KIRREL2: variants seen among roughly 807,000 people sequenced by gnomAD.
The protein encoded by KIRREL2 is kin of IRRE-like protein 2.
KIRREL2 carries 56 observed loss-of-function variants against 73.4 expected under a neutral mutation model. That is an observed-to-expected ratio of 0.76 (90% CI 0.62 to 0.95). The LOEUF (loss-of-function observed/expected upper bound fraction) is 0.95. Ranked by LOEUF, KIRREL2 falls within the 40% of genes least tolerant of loss-of-function variation. The pLI, the probability that KIRREL2 is intolerant of heterozygous loss-of-function variation, is 0.00. For missense variants in KIRREL2, 896 were observed against 935.0 expected (o/e 0.96, Z 0.54); for synonymous variants, 407 against 404.0 (o/e 1.01, Z -0.09).
Position 35,862,984 on chromosome 19 carries a change from G to A in KIRREL2, c.1673G>A (p.Gly558Asp). The A allele has an allele frequency of 6.3e-7, 1 of 1,593,514 alleles. No homozygotes were observed. The highest frequency in any genetic ancestry group is 8.5e-7 in the Non-Finnish European group (1 of 1,170,474). ...NLMRIPGSSD[G>D]SSSRGPEEEE... ...ATGCGAATCCCTGGCAGCAGCGACG[G>A]CTCCAGTTCACGAGGTCCTGAAGAA... Residue 558 changes from glycine (G) to aspartate (D), a missense_variant, in exon 13 of 15, where the codon GGC becomes GAC. Transcript: ENST00000360202.
Position 35,860,400 on chromosome 19 carries a change from C to G in KIRREL2, c.777C>G (p.Tyr259Ter). 1 of 1,612,696 alleles carries G rather than the reference C, an allele frequency of 6.2e-7. No individual in the cohort carries two copies. The change falls in exon 6 of 15, where the codon TAC becomes TAG. Residue 259 changes from tyrosine (Y) to a stop codon, truncating the protein, a stop_gained and splice_region_variant. Transcript: ENST00000360202. LOFTEE classifies it high-confidence loss of function. The stretch of plus-strand genomic sequence containing the variant: ...CAGCCCAGCCTCCTGTCACAGGCTA[C>G]AGGTGAGGACGAAGACCCACCTCTC... ...QATAQPPVTG[Y>*]RWAKGGSPVL...
chr19:35,862,370 C>G, intron 11 of KIRREL2, 123 bp from the exon 12 acceptor site: 1 of 759,760 alleles, frequency 1.3e-6, no homozygotes, highest in Admixed American at 2.1e-5. Flanking sequence ...ACCCCAAATT[C>G]AAGGGCCTTT....
upstream of KIRREL2, among the ~76,000 whole-genome samples, chr19:35,853,868 G>A (rs1328025819): frequency 2.2e-5 from 3 of 136,072 alleles, no homozygotes; most frequent in Admixed American, 1.5e-4. Context: ...TTTTTGAGAG[G>A]GAGTCTTGCT....
upstream of KIRREL2, chr19:35,856,727 A>C: frequency 5.6e-6 from 2 of 356,176 alleles, no homozygotes; most frequent in Admixed American, 4.4e-5. This position sits in a 1 kb window ranked among gnomAD's most constrained non-coding sequence, Gnocchi z 5.9. Flanking sequence ...CCCTCCTCGA[A>C]CCCAGGTGTT....
At position 35,864,727 on chromosome 19, in the gene KIRREL2, G is replaced by C. The variant is rs1160725769; in HGVS notation, c.1791+14G>C. 6.3e-7 allele frequency: 1 copy of C among 1,597,562 alleles called. No individual in the cohort carries two copies. The highest frequency in any genetic ancestry group is 1.1e-5 in the South Asian group (1 of 90,716). ...CTGGAGACCAAGGTGAGTGTTGAGA[G>C]GGGTGGGGCTCCCTTCACTGTTGGG... On this transcript the variant is annotated intron_variant, in intron 14 of 14. Transcript: ENST00000360202.
At chr19:35,851,908 G>T, upstream of KIRREL2, 3 of 1,345,138 alleles carry the variant, frequency 2.2e-6, no homozygotes, top group Non-Finnish European at 3.1e-6. Context: ...CTTTCTCTGG[G>T]TCCCTCTCTG....
chr19:35,851,790 C>T (rs949171070), upstream of KIRREL2: 4 of 1,553,410 alleles, frequency 2.6e-6, no homozygotes, highest in African/African-American at 5.5e-5. Context: ...CTTCAGTCAG[C>T]AGCCCCAGGA....
At position 35,866,429 on chromosome 19, in the gene KIRREL2, TC is replaced by T; in HGVS notation, c.2070del (p.Phe691SerfsTer40). ...GGCCCCCAGATCTGGCCCCCGGGAC[TC>T]CCCCCTTCCCATATGCTGCCTTCCC... ...FGPPDLAPGT[P>X]PFPYAAFPTP... On this transcript the variant is annotated frameshift_variant, in exon 15 of 15. Coordinates refer to ENST00000360202, the MANE Select transcript of KIRREL2 (RefSeq NM_199180.4). LOFTEE classifies it high-confidence loss of function. 2 of 1,596,318 alleles carry T rather than the reference TC, an allele frequency of 1.3e-6. No homozygotes were observed. The highest frequency in any genetic ancestry group is 2.2e-5 in the East Asian group (1 of 44,668).
chr19:35,863,701 C>T (rs1319268759), intron 13 of KIRREL2, among the ~76,000 whole-genome samples: 12 of 152,074 alleles, frequency 7.9e-5, no homozygotes, highest in Non-Finnish European at 1.8e-4. Flanking sequence ...ATCCACCCGC[C>T]TCGACCTCCC....
In KIRREL2 at chr19:35,861,157, G is replaced by C. The variant is rs781602474; in HGVS notation, c.1092G>C (p.Ser364=). The C allele has an allele frequency of 6.3e-7, 1 of 1,592,568 alleles. No homozygotes were observed. The highest frequency in any genetic ancestry group is 1.1e-5 in the South Asian group (1 of 89,408). Residue 364 remains serine (S), a synonymous_variant, in exon 9 of 15, where the codon TCG becomes TCC. Coordinates refer to ENST00000360202, the MANE Select transcript of KIRREL2 (RefSeq NM_199180.4). The stretch of plus-strand genomic sequence containing the variant: ...CTGGAGCCACACTGCGTCTTCCGTC[G>C]GTGGGGCCCGAGGACGCAGGCGACT... ...LGSGATLRLP[S]VGPEDAGDYV...
In KIRREL2 at chr19:35,863,028, G is replaced by T; in HGVS notation, c.1717G>T (p.Glu573Ter). 6.4e-7 allele frequency: 1 copy of T among 1,572,106 alleles called. No individual in the cohort carries two copies. Among genetic ancestry groups the T allele is most frequent in the South Asian group, 1.2e-5 (1 of 86,004 alleles). ...TGAAGAAGAGGAGACAGGCAGCCGC[G>T]AGGACCGGGTAGGATGCCAGGGTCC... ...GPEEEETGSR[E>*]DRGPIVHTDH... Residue 573 changes from glutamate (E) to a stop codon, truncating the protein, a stop_gained, in exon 13 of 15, where the codon GAG becomes TAG. Coordinates refer to ENST00000360202, the MANE Select transcript of KIRREL2 (RefSeq NM_199180.4). LOFTEE classifies it high-confidence loss of function.
upstream of KIRREL2, among the ~76,000 whole-genome samples, chr19:35,855,207 G>A (rs1219129725): frequency 6.6e-6 from 1 of 151,940 alleles, no homozygotes; most frequent in Non-Finnish European, 1.5e-5. Flanking sequence ...GCTGGATGCC[G>A]AGCTGGGGGA....
chr19:35,860,746 G>A (rs1287179266), intron 7 of KIRREL2, 79 bp downstream of exon 7: 4 of 1,587,762 alleles, frequency 2.5e-6, no homozygotes, highest in Non-Finnish European at 3.4e-6. Context: ...GCCTGGAGGG[G>A]CGGGGCCGGG....
chr19:35,864,850 C>A, intron 14 of KIRREL2, 137 bp downstream of exon 14: 1 of 656,938 alleles, frequency 1.5e-6, no homozygotes. Flanking sequence ...CAGCTCCCCA[C>A]CCCACTCCTC....
At chr19:35,862,249 C>T (rs529447374) in intron 11 of KIRREL2, among the ~76,000 whole-genome samples, 1 of 152,154 alleles carries the variant, frequency 6.6e-6, no homozygotes, top group South Asian at 2.1e-4. Flanking sequence ...ACCTAGGGGC[C>T]CCAAAAAGGG....
chr19:35,858,279 C>A, intron 2 of KIRREL2, 129 bp from the exon 3 acceptor site: 1 of 1,077,000 alleles, frequency 9.3e-7, no homozygotes, highest in Non-Finnish European at 1.4e-6. Flanking sequence ...GGGCCCAGTA[C>A]ACACTTTTTA....
At chr19:35,864,801 C>T in intron 14 of KIRREL2, 88 bp downstream of exon 14, 3 of 1,031,362 alleles carry the variant, frequency 2.9e-6, no homozygotes, top group East Asian at 2.5e-5. Flanking sequence ...CCACGCCTGT[C>T]CCCTCCTTTT....
At position 35,858,834 on chromosome 19, in the gene KIRREL2, G is replaced by C. The variant is rs34006827; in HGVS notation, c.492G>C (p.Gly164=). The change falls in exon 4 of 15, where the codon GGG becomes GGC. Residue 164 remains glycine, a synonymous_variant. Coordinates refer to ENST00000360202, the MANE Select transcript of KIRREL2 (RefSeq NM_199180.4). ...PTPELLWFRD[G]VLLDGATFHQ... Reference sequence around the variant, plus strand: ...CTGAATTGCTGTGGTTCCGAGATGGGGTCCTGTTGGATGGAGCCACCTTCC... The same window carrying C: ...CTGAATTGCTGTGGTTCCGAGATGGCGTCCTGTTGGATGGAGCCACCTTCC... 0.035 allele frequency: 56,107 copies of C among 1,613,946 alleles called. 1,147 individuals are homozygous for C. The highest frequency in any genetic ancestry group is 0.071 in the African/African-American group (5,319 of 74,972).
chr19:35,858,912 G>A, intron 4 of KIRREL2, 48 bp downstream of exon 4: 2 of 1,600,000 alleles, frequency 1.3e-6, no homozygotes, highest in Non-Finnish European at 1.7e-6. Flanking sequence ...AGGGAAACTT[G>A]GGTTACACTC....
Sources: allele counts gnomAD v4.1 joint callset (sites outside exome capture counted in the v4.1 genomes callset), GRCh38; gene constraint gnomAD v4.1.1; non-coding constraint Gnocchi (gnomAD v3.1); transcripts MANE v1.5; gene names NCBI Gene and HGNC (gene_info 2026-07-23, HGNC 2026-07-21).